PAX5: variants seen among roughly 807,000 people sequenced by gnomAD.
The protein encoded by PAX5 is paired box 5.
In PAX5, 9 loss-of-function variants were observed where a neutral mutation model predicts 43.7. The observed-to-expected ratio is 0.21, with a 90% CI of 0.12 to 0.36. The LOEUF (loss-of-function observed/expected upper bound fraction) is 0.36. Among genes scored for constraint, PAX5 ranks in the 10% least tolerant of loss-of-function variants. The pLI is 1.00. For synonymous variants in PAX5, 228 were observed against 214.3 expected (o/e 1.06, Z -0.56); for missense variants, 383 against 532.7 (o/e 0.72, Z 2.77).
intron 5 of PAX5, among the ~76,000 whole-genome samples, chr9:36,999,453 T>C (rs1837667500): frequency 6.6e-6 from 1 of 152,206 alleles, no homozygotes; most frequent in African/African-American, 2.4e-5. Flanking sequence ...CCCTCTGTGG[T>C]TGGATCCTAT....
At chr9:36,937,538 C>T (rs1200745697) in intron 6 of PAX5, among the ~76,000 whole-genome samples, 1 of 152,174 alleles carries the variant, frequency 6.6e-6, no homozygotes, top group South Asian at 2.1e-4. Context: ...CACGATGTGC[C>T]GGAGCCCTGA....
intron 6 of PAX5, among the ~76,000 whole-genome samples, chr9:36,953,909 C>CA (rs1174868718): frequency 1.3e-5 from 2 of 151,920 alleles, no homozygotes; most frequent in African/African-American, 4.8e-5. Context: ...CTGGTCTCTA[C>CA]AAAAAATACA....
intron 4 of PAX5, among the ~76,000 whole-genome samples, chr9:37,003,216 T>C (rs1164891129): frequency 6.9e-6 from 1 of 145,070 alleles, no homozygotes; most frequent in Non-Finnish European, 1.5e-5. Flanking sequence ...ACCACCTGCC[T>C]GCACACCCAA....
intron 6 of PAX5, among the ~76,000 whole-genome samples, chr9:36,958,363 C>T (rs2132145293): frequency 6.6e-6 from 1 of 152,062 alleles, no homozygotes; most frequent in East Asian, 1.9e-4. Context: ...GAGAAGAACA[C>T]AACTGATTGC....
At chr9:36,880,284 C>A (rs1401969534) in intron 8 of PAX5, among the ~76,000 whole-genome samples, 1 of 152,254 alleles carries the variant, frequency 6.6e-6, no homozygotes, top group Non-Finnish European at 1.5e-5. Context: ...CCAGCCCGCA[C>A]ATCCAAGCTC....
chr9:36,867,057 T>TA (rs1824956712), intron 8 of PAX5, among the ~76,000 whole-genome samples: 1 of 66,450 alleles, frequency 1.5e-5, no homozygotes, highest in African/African-American at 5.7e-5. Context: ...CTGGATGGGG[T>TA]GGTGGGGGGG....
chr9:37,034,012 T>A lies in PAX5; in HGVS notation c.20A>T (p.Tyr7Phe). 6.2e-7 allele frequency: 1 copy of A among 1,610,628 alleles called. No homozygotes were observed. Among genetic ancestry groups the A allele is most frequent in the East Asian group, 2.2e-5 (1 of 44,808 alleles). Residue 7 changes from tyrosine to phenylalanine, a missense_variant, in exon 1 of 10, where the codon TAT (tyrosine) becomes TTT (phenylalanine). Transcript: ENST00000358127. ...TGTCCTGCTGGTCCGAGGAGTCGGATAATTTTTCTCTAAATCCATTTTGAT... is the reference window on the plus strand; with the variant it reads ...TGTCCTGCTGGTCCGAGGAGTCGGAAAATTTTTCTCTAAATCCATTTTGAT... MDLEKN[Y>F]PTPRTSRTGH...
chr9:36,879,988 G>A (rs1336314138), intron 8 of PAX5, among the ~76,000 whole-genome samples: 1 of 152,248 alleles, frequency 6.6e-6, no homozygotes, highest in Non-Finnish European at 1.5e-5. Flanking sequence ...CAAGGCCCAG[G>A]ACAAGAGTAC....
chr9:36,940,640 A>G (rs1172175013), intron 6 of PAX5, among the ~76,000 whole-genome samples: 1 of 151,968 alleles, frequency 6.6e-6, no homozygotes, highest in Non-Finnish European at 1.5e-5. Flanking sequence ...GGACACCAGG[A>G]TGTGCTGCTG....
At chr9:36,884,588 A>G (rs1826753519) in intron 7 of PAX5, among the ~76,000 whole-genome samples, 1 of 152,228 alleles carries the variant, frequency 6.6e-6, no homozygotes, top group Non-Finnish European at 1.5e-5. Flanking sequence ...TGTCAAGGAA[A>G]CCTATTATCA....
At chr9:36,842,539 C>T (rs1822160205) in intron 9 of PAX5, among the ~76,000 whole-genome samples, 1 of 152,250 alleles carries the variant, frequency 6.6e-6, no homozygotes, top group Non-Finnish European at 1.5e-5. Context: ...CTTGCATTTA[C>T]TGTGAAAAAT....
chr9:36,950,536 A>G (rs1832907632), intron 6 of PAX5, among the ~76,000 whole-genome samples: 1 of 152,092 alleles, frequency 6.6e-6, no homozygotes, highest in South Asian at 2.1e-4. Context: ...TCAGCGACAG[A>G]AGATTCCCAG....
chr9:36,864,028 G>T (rs959733173), intron 8 of PAX5, among the ~76,000 whole-genome samples: 2 of 152,218 alleles, frequency 1.3e-5, no homozygotes, highest in Non-Finnish European at 2.9e-5. Flanking sequence ...AGAATTGCTT[G>T]AACCCACGAG....
chr9:36,930,465 G>T (rs996158865), intron 6 of PAX5, among the ~76,000 whole-genome samples: 2 of 152,094 alleles, frequency 1.3e-5, no homozygotes, highest in African/African-American at 4.8e-5. Flanking sequence ...GAGCTCAATT[G>T]ATCCACCCAC....
intron 8 of PAX5, among the ~76,000 whole-genome samples, chr9:36,867,040 A>G (rs1824952689): frequency 3.3e-5 from 3 of 90,122 alleles, no homozygotes; most frequent in South Asian, 1.1e-3. Flanking sequence ...ACAGCCTACA[A>G]AATGTCCTGG....
At chr9:36,901,120 C>T (rs938275130) in intron 7 of PAX5, among the ~76,000 whole-genome samples, 3 of 152,148 alleles carry the variant, frequency 2.0e-5, no homozygotes, top group Admixed American at 1.3e-4. Context: ...CTTACCTCCA[C>T]CCTCTGTCAA....
chr9:36,918,658 C>T (rs1298213793), intron 7 of PAX5, among the ~76,000 whole-genome samples: 1 of 151,784 alleles, frequency 6.6e-6, no homozygotes, highest in Non-Finnish European at 1.5e-5. Context: ...GAGACCCTGC[C>T]TCAAAAAAAA....
chr9:36,964,164 C>T (rs1014031572), intron 6 of PAX5, among the ~76,000 whole-genome samples: 6 of 151,976 alleles, frequency 3.9e-5, no homozygotes, highest in African/African-American at 7.2e-5. Flanking sequence ...GCCTGTAGTC[C>T]GTCCTACTCG....
intron 6 of PAX5, among the ~76,000 whole-genome samples, chr9:36,923,866 G>T (rs1830382916): frequency 6.6e-6 from 1 of 152,190 alleles, no homozygotes; most frequent in South Asian, 2.1e-4. Context: ...TTCTTGCCAA[G>T]AGAATGGAAA....
Sources: allele counts gnomAD v4.1 joint callset (sites outside exome capture counted in the v4.1 genomes callset), GRCh38; gene constraint gnomAD v4.1.1; transcripts MANE v1.5; gene names NCBI Gene and HGNC (gene_info 2026-07-23, HGNC 2026-07-21).